Variants in RIMS2 observed in about 807,000 individuals in gnomAD.
RIMS2 encodes regulating synaptic membrane exocytosis protein 2.
In RIMS2, 59 loss-of-function variants were observed where a neutral mutation model predicts 174.4. The observed-to-expected ratio is 0.34, with a 90% CI of 0.27 to 0.42. The LOEUF is 0.42. Ranked by LOEUF, RIMS2 falls within the 10% of genes least tolerant of loss-of-function variation. The pLI is 1.00. For synonymous variants in RIMS2, 606 were observed against 572.5 expected, an observed-to-expected ratio of 1.06 and a Z score of -0.84; for missense variants, 1,620 against 1,666.3, an observed-to-expected ratio of 0.97 and a Z score of 0.48.
At chr8:104,112,304 A>T (rs2098199649) in intron 19 of RIMS2, among the ~76,000 whole-genome samples, 2 of 152,094 alleles carry the variant, frequency 1.3e-5, no homozygotes, top group Non-Finnish European at 2.9e-5. Context: ...CATGATTTTA[A>T]CAAATAATAA....
At chr8:103,987,968 C>G (rs960737910) in intron 16 of RIMS2, among the ~76,000 whole-genome samples, 1 of 152,074 alleles carries the variant, frequency 6.6e-6, no homozygotes, top group Non-Finnish European at 1.5e-5. Flanking sequence ...AAATTACTTC[C>G]TATAATAAAG....
chr8:103,779,379 G>T (rs2098358660), intron 3 of RIMS2, among the ~76,000 whole-genome samples: 1 of 151,956 alleles, frequency 6.6e-6, no homozygotes, highest in Non-Finnish European at 1.5e-5. Context: ...ACAGTTTTGG[G>T]TCTTCAATAT....
intron 2 of RIMS2, among the ~76,000 whole-genome samples, chr8:103,743,609 A>G (rs1404316756): frequency 1.3e-5 from 2 of 152,138 alleles, no homozygotes; most frequent in Non-Finnish European, 2.9e-5. Context: ...TTTTGTTTAC[A>G]TTTATATTGT....
chr8:103,590,012 A>G (rs1426615394), intron 1 of RIMS2, among the ~76,000 whole-genome samples: 3 of 151,298 alleles, frequency 2.0e-5, no homozygotes, highest in African/African-American at 7.3e-5. Context: ...AAGATCTACT[A>G]TTTTATGCAC....
intron 9 of RIMS2, among the ~76,000 whole-genome samples, chr8:103,920,538 C>G (rs887753585): frequency 6.6e-6 from 1 of 152,136 alleles, no homozygotes; most frequent in Non-Finnish European, 1.5e-5. Context: ...ATTAGGCATA[C>G]CACTCTACAG....
chr8:103,578,232 A>T (rs1399217049), intron 1 of RIMS2, among the ~76,000 whole-genome samples: 1 of 152,182 alleles, frequency 6.6e-6, no homozygotes, highest in Non-Finnish European at 1.5e-5. Flanking sequence ...AGGAGAAAAG[A>T]AGCAACTAAC....
At chr8:103,930,990 A>G (rs1404797282) in intron 11 of RIMS2, among the ~76,000 whole-genome samples, 3 of 152,140 alleles carry the variant, frequency 2.0e-5, no homozygotes, top group African/African-American at 7.2e-5. Context: ...CTTAATTATG[A>G]TAATGTAATT....
At chr8:103,527,535 C>T (rs960983801) in intron 1 of RIMS2, among the ~76,000 whole-genome samples, 6 of 151,944 alleles carry the variant, frequency 3.9e-5, no homozygotes, top group African/African-American at 9.7e-5. Flanking sequence ...TGCTATCCGT[C>T]CCCCATCCCC....
At chr8:103,954,803 AC>A (rs1353023861) in intron 14 of RIMS2, among the ~76,000 whole-genome samples, 1 of 152,198 alleles carries the variant, frequency 6.6e-6, no homozygotes, top group African/African-American at 2.4e-5. Flanking sequence ...AAAAAAATCA[AC>A]AAATCCAGGA....
At chr8:103,686,876 C>T (rs1186060231) in intron 1 of RIMS2, among the ~76,000 whole-genome samples, 3 of 152,056 alleles carry the variant, frequency 2.0e-5, no homozygotes, top group African/African-American at 4.8e-5. Flanking sequence ...ATCCTCCTGC[C>T]TCAGCCTCTT....
chr8:103,595,637 A>T lies in RIMS2; in HGVS notation c.176+94575A>T, dbSNP rs181641489. Among the ~76,000 whole-genome samples, 200 of 151,988 alleles carry T rather than the reference A, an allele frequency of 1.3e-3. 1 individual carries two copies. Among genetic ancestry groups the T allele is most frequent in the Admixed American group, 0.012 (179 of 15,218 alleles). ...TTGTGCTTAGACATGGCAAACTTCA[A>T]ATTTAGGAACTGCAGTATAAGAAGA... On this transcript the variant is annotated intron_variant, in intron 1 of 23. Coordinates refer to ENST00000504942, the Ensembl canonical transcript of RIMS2.
At chr8:103,895,175 T>TG (rs920488084) in intron 4 of RIMS2, among the ~76,000 whole-genome samples, 1 of 148,772 alleles carries the variant, frequency 6.7e-6, no homozygotes, top group African/African-American at 2.5e-5. Flanking sequence ...TTGACAAGGT[T>TG]TTTTTTTTTT....
At chr8:103,953,959 C>T (rs750536757) in intron 14 of RIMS2, among the ~76,000 whole-genome samples, 7 of 152,034 alleles carry the variant, frequency 4.6e-5, no homozygotes, top group Non-Finnish European at 7.4e-5. Context: ...CAATCCTAGT[C>T]TCTGATGAAA....
intron 19 of RIMS2, among the ~76,000 whole-genome samples, chr8:104,122,238 T>C (rs925251487): frequency 1.3e-5 from 2 of 151,936 alleles, no homozygotes; most frequent in African/African-American, 4.8e-5. Flanking sequence ...GTTCTGAGCT[T>C]TGTGGGTGAT....
At chr8:104,224,155 G>A (rs570004015) in intron 19 of RIMS2, among the ~76,000 whole-genome samples, 1 of 152,224 alleles carries the variant, frequency 6.6e-6, no homozygotes, top group Non-Finnish European at 1.5e-5. Context: ...CGGCCTGGAG[G>A]ACAGAAATAC....
chr8:103,505,347 A>G (rs1822957899), intron 1 of RIMS2, among the ~76,000 whole-genome samples: 1 of 152,180 alleles, frequency 6.6e-6, no homozygotes, highest in African/African-American at 2.4e-5. Flanking sequence ...ACGTAAAAAC[A>G]GAAATGTGTC....
chr8:103,640,368 C>T (rs913897934), intron 1 of RIMS2, among the ~76,000 whole-genome samples: 12 of 151,588 alleles, frequency 7.9e-5, no homozygotes, highest in African/African-American at 2.7e-4. Flanking sequence ...TATTGATGCC[C>T]GGTTTTCAAG....
chr8:104,081,332 A>C (rs1340986654), intron 19 of RIMS2, among the ~76,000 whole-genome samples: 2 of 152,054 alleles, frequency 1.3e-5, no homozygotes, highest in Non-Finnish European at 2.9e-5. Flanking sequence ...ACATGCTTTT[A>C]TTCAATAGAA....
intron 13 of RIMS2, among the ~76,000 whole-genome samples, chr8:103,942,089 C>T (rs72681390): frequency 0.13 from 19,320 of 152,008 alleles, 1,699 homozygotes; most frequent in Non-Finnish European, 0.19. Flanking sequence ...TATTTCATTA[C>T]CGAGGTATTA....
Sources: gnomAD v4.1 joint callset for allele counts (sites outside exome capture counted in the v4.1 genomes callset) on GRCh38, gnomAD v4.1.1 for gene constraint, MANE v1.5 for transcripts, NCBI Gene and HGNC (gene_info 2026-07-23, HGNC 2026-07-21) for gene names.